ESRRG: variants seen among roughly 807,000 people sequenced by gnomAD.
ESRRG encodes estrogen-related receptor gamma.
Under a neutral mutation model 44.0 loss-of-function variants are expected in ESRRG, and 13 were observed. That is an observed-to-expected ratio of 0.30 (90% confidence interval 0.19 to 0.47). The LOEUF is 0.47. Ranked by LOEUF, ESRRG falls within the 20% of genes least tolerant of loss-of-function variation. The pLI, the probability that ESRRG is intolerant of heterozygous loss-of-function variation, is 1.00. For synonymous variants in ESRRG, 215 were observed against 214.6 expected, an observed-to-expected ratio of 1.00 and a Z score of -0.02; for missense variants, 395 against 580.6, an observed-to-expected ratio of 0.68 and a Z score of 3.29.
chr1:217,115,125 G>C (rs2092707454), intron 1 of ESRRG, among the ~76,000 whole-genome samples: 2 of 152,170 alleles, frequency 1.3e-5, no homozygotes, highest in African/African-American at 4.8e-5. Flanking sequence ...ATCTTTTAGG[G>C]AAAATATGAC....
chr1:217,056,771 A>G (rs1235696490), intron 1 of ESRRG, among the ~76,000 whole-genome samples: 1 of 151,404 alleles, frequency 6.6e-6, no homozygotes, highest in Admixed American at 6.6e-5. Context: ...AAACTAGGAG[A>G]CAAAGTTTCC....
At chr1:216,971,090 A>G (rs1478220049) in intron 1 of ESRRG, among the ~76,000 whole-genome samples, 3 of 152,198 alleles carry the variant, frequency 2.0e-5, no homozygotes, top group Non-Finnish European at 4.4e-5. Flanking sequence ...CCCTCATTCC[A>G]ATAGTTATCT....
intron 1 of ESRRG, among the ~76,000 whole-genome samples, chr1:217,111,535 A>G (rs75149104): frequency 0.017 from 2,545 of 152,338 alleles, 78 homozygotes; most frequent in African/African-American, 0.058. Flanking sequence ...TGAGTGAACC[A>G]AAGAAGAAAG....
intron 2 of ESRRG, among the ~76,000 whole-genome samples, chr1:216,780,466 T>C (rs2093890242): frequency 6.6e-6 from 1 of 152,060 alleles, no homozygotes; most frequent in Non-Finnish European, 1.5e-5. Flanking sequence ...CATATTTAGA[T>C]ATGGAATAAG....
chr1:216,739,153 C>T (rs2090354811), intron 2 of ESRRG, among the ~76,000 whole-genome samples: 1 of 152,046 alleles, frequency 6.6e-6, no homozygotes, highest in South Asian at 2.1e-4. Context: ...ATCTGATTCT[C>T]CCATGACTGT....
At chr1:216,793,550 A>C (rs1010868751) in intron 2 of ESRRG, among the ~76,000 whole-genome samples, 1 of 152,266 alleles carries the variant, frequency 6.6e-6, no homozygotes, top group African/African-American at 2.4e-5. Context: ...CTGCCCTGTC[A>C]TATCTTCAGA....
intron 1 of ESRRG, among the ~76,000 whole-genome samples, chr1:217,102,593 T>A (rs578036793): frequency 3.3e-5 from 5 of 152,284 alleles, no homozygotes; most frequent in African/African-American, 1.2e-4. Flanking sequence ...AAAGTTAAAA[T>A]TTTTCAAATT....
intron 2 of ESRRG, among the ~76,000 whole-genome samples, chr1:216,908,321 G>A (rs544518659): frequency 1.3e-5 from 2 of 152,274 alleles, no homozygotes; most frequent in South Asian, 4.1e-4. Context: ...GTGTTAATCA[G>A]GATGGTTGGC....
intron 1 of ESRRG, among the ~76,000 whole-genome samples, chr1:217,103,589 T>C (rs1245879114): frequency 6.6e-6 from 1 of 151,886 alleles, no homozygotes; most frequent in African/African-American, 2.4e-5. Context: ...GCCCAGGCGT[T>C]TGAGGCTGCA....
chr1:216,640,097 C>T (rs1260931840), intron 3 of ESRRG, among the ~76,000 whole-genome samples: 1 of 152,192 alleles, frequency 6.6e-6, no homozygotes, highest in African/African-American at 2.4e-5. Context: ...TCAGTTACTA[C>T]TGTGCTGGGG....
At position 217,007,683 on chromosome 1, in the gene ESRRG, C is replaced by T. The variant is rs373011451; in HGVS notation, c.-105-68010G>A. ...ATGAAACTGAGCTTTCTAAACCTAT[C>T]AAAGAAGATTTTACTTGGACCGACT... On this transcript the variant is annotated intron_variant, in intron 1 of 7. Transcript: ENST00000359162. Among the ~76,000 whole-genome samples, 3 of 152,132 alleles carry T rather than the reference C, an allele frequency of 2.0e-5. No homozygotes were observed. The East Asian group carries it at 5.8e-4, about 29-fold the overall frequency.
rs547308862 is a variant in ESRRG at position 216,847,480 on chromosome 1, C to T, written c.-14+92102G>A. Among the ~76,000 whole-genome samples, 190 of 152,070 alleles carry T rather than the reference C, an allele frequency of 1.2e-3. 1 individual carries two copies. Among genetic ancestry groups the T allele is most frequent in the Non-Finnish European group, 5.3e-4 (36 of 67,968 alleles). On this transcript the variant is annotated intron_variant, in intron 2 of 7. Transcript: ENST00000359162. ...TTTTAATTCCCAAAATGATTTTCCT[C>T]GGGGGAGTATGAACGCTTTTTGCAT... is the stretch of plus-strand genomic sequence containing the variant.
At chr1:216,854,461 C>A (rs1005540987) in intron 2 of ESRRG, among the ~76,000 whole-genome samples, 34 of 151,314 alleles carry the variant, frequency 2.2e-4, no homozygotes, top group African/African-American at 8.3e-4. Context: ...TTGTCTTATC[C>A]ATTTTTACAC....
intron 2 of ESRRG, among the ~76,000 whole-genome samples, chr1:216,792,711 T>A (rs187187765): frequency 3.3e-5 from 5 of 152,202 alleles, no homozygotes; most frequent in Admixed American, 3.3e-4. Flanking sequence ...AGTAATAATT[T>A]TGCAAATGCA....
At chr1:216,712,276 T>C (rs1238562427) in intron 1 of ESRRG, among the ~76,000 whole-genome samples, 4 of 152,192 alleles carry the variant, frequency 2.6e-5, no homozygotes, top group African/African-American at 9.7e-5. Flanking sequence ...AGCAATGCTA[T>C]ATAACGGAAG....
At chr1:216,831,192 G>A (rs867383895) in intron 2 of ESRRG, among the ~76,000 whole-genome samples, 22 of 152,048 alleles carry the variant, frequency 1.4e-4, no homozygotes, top group African/African-American at 3.1e-4. Context: ...CGTGTCTGGT[G>A]CATATTTTTT....
At position 216,623,287 on chromosome 1, in the gene ESRRG, T is replaced by C. The variant is rs576862640; in HGVS notation, c.589+27686A>G. Among the ~76,000 whole-genome samples, 3 of 152,178 alleles carry C rather than the reference T, an allele frequency of 2.0e-5. No individual in the cohort carries two copies. In the South Asian group the frequency reaches 6.2e-4, roughly 32 times the overall value. On this transcript the variant is annotated intron_variant, in intron 3 of 6. Transcript: ENST00000408911. The stretch of plus-strand genomic sequence containing the variant: ...TAGTAGAGACGGGGTTTCACCATGT[T>C]AGCCAGGATGGTCTCGATCTCCTGA...
intron 2 of ESRRG, among the ~76,000 whole-genome samples, chr1:216,774,494 A>G (rs1048239567): frequency 2.6e-5 from 4 of 152,048 alleles, no homozygotes; most frequent in Non-Finnish European, 4.4e-5. Flanking sequence ...TTACTCTCTC[A>G]TATTATCAAT....
At chr1:216,851,954 A>G (rs1275025110) in intron 2 of ESRRG, among the ~76,000 whole-genome samples, 1 of 152,232 alleles carries the variant, frequency 6.6e-6, no homozygotes, top group Non-Finnish European at 1.5e-5. Context: ...GGATTGGTTC[A>G]AAGAAGAGAA....
Sources: gnomAD v4.1 joint callset for allele counts (sites outside exome capture counted in the v4.1 genomes callset) on GRCh38, gnomAD v4.1.1 for gene constraint, MANE v1.5 for transcripts, NCBI Gene and HGNC (gene_info 2026-07-23, HGNC 2026-07-21) for gene names.